THSD7B: variants seen among roughly 807,000 people sequenced by gnomAD.
The protein encoded by THSD7B is thrombospondin type 1 domain containing 7B, also known as thrombospondin type-1 domain-containing protein 7B.
In THSD7B, 138 loss-of-function variants were observed where a neutral mutation model predicts 213.6. The observed-to-expected ratio is 0.65, with a 90% CI of 0.56 to 0.74. THSD7B has a LOEUF of 0.74. THSD7B is among the 30% of genes least tolerant of loss of function. The probability of loss-of-function intolerance (pLI) is 0.00; values close to 1 mark genes in which losing one functional copy is unlikely to be tolerated. For synonymous variants in THSD7B, 742 were observed against 687.0 expected, an observed-to-expected ratio of 1.08 and a Z score of -1.25; for missense variants, 1,931 against 1,991.5, an observed-to-expected ratio of 0.97 and a Z score of 0.58.
chr2:137,000,853 ACCTC>A lies in THSD7B; in HGVS notation c.140-55566_140-55563del. Among the ~76,000 whole-genome samples the A allele has an allele frequency of 2.0e-5, 3 of 152,110 alleles. No individual in the cohort carries two copies. In the South Asian group the frequency reaches 6.2e-4, roughly 32 times the overall value. ...TTTTATTTTTAGTAACTAGAAGGAAACCTCACCTACAAGCCATTGCATTTCAAAA... is the reference window on the plus strand; with the variant it reads ...TTTTATTTTTAGTAACTAGAAGGAAAACCTACAAGCCATTGCATTTCAAAA... On this transcript the variant is annotated intron_variant, in intron 2 of 27. Coordinates refer to ENST00000409968, the MANE Select transcript of THSD7B (RefSeq NM_001316349.2).
At chr2:137,507,530 TC>T (rs1679863917) in intron 15 of THSD7B, among the ~76,000 whole-genome samples, 1 of 152,116 alleles carries the variant, frequency 6.6e-6, no homozygotes. Flanking sequence ...AAGTCATAAA[TC>T]CCCGCTTCCT....
rs1680546296 is a variant in THSD7B at position 137,538,405 on chromosome 2, ATTATAATAGCAG to A, written c.3139-24813_3139-24802del. The A allele has an allele frequency of 6.5e-6, 3 of 464,708 alleles. No homozygotes were observed. In the Admixed American group the frequency reaches 8.1e-5, roughly 13 times the overall value. 28.8% of individuals were successfully genotyped at this position (464,708 alleles called of 1,614,324 possible). The stretch of plus-strand genomic sequence containing the variant: ...GGATTTCTACTTTTTTCAATTTTGC[ATTATAATAGCAG>A]TTCCACTAATGCATATATAATTTTC... On this transcript the variant is annotated intron_variant, in intron 15 of 27. Transcript: ENST00000409968.
intron 12 of THSD7B, among the ~76,000 whole-genome samples, chr2:137,288,943 GACATGACTC>G (rs1683251561): frequency 6.6e-6 from 1 of 152,024 alleles, no homozygotes; most frequent in Non-Finnish European, 1.5e-5. Context: ...AAATGTGAGG[GACATGACTC>G]AAATCATAGT....
At chr2:137,531,772 C>T (rs1680402158) in intron 15 of THSD7B, among the ~76,000 whole-genome samples, 1 of 151,946 alleles carries the variant, frequency 6.6e-6, no homozygotes, top group African/African-American at 2.4e-5. Context: ...CCTTAATGCT[C>T]ATGTGCTTTA....
intron 15 of THSD7B, among the ~76,000 whole-genome samples, chr2:137,498,857 A>C (rs1251015290): frequency 3.3e-5 from 5 of 152,204 alleles, no homozygotes; most frequent in African/African-American, 1.2e-4. Context: ...ATGCTGAAGA[A>C]GGGAATACCT....
At chr2:136,843,692 G>A (rs1219323324) in intron 1 of THSD7B, among the ~76,000 whole-genome samples, 1 of 152,134 alleles carries the variant, frequency 6.6e-6, no homozygotes, top group Non-Finnish European at 1.5e-5. Flanking sequence ...TCCATGTGCA[G>A]TCACTTGTTA....
intron 2 of THSD7B, among the ~76,000 whole-genome samples, chr2:137,054,310 A>T (rs527395830): frequency 3.3e-5 from 5 of 152,318 alleles, no homozygotes; most frequent in African/African-American, 1.2e-4. Flanking sequence ...CAGCAAGAGA[A>T]GTCTCTAGTA....
At chr2:137,262,935 C>T (rs930908118) in intron 10 of THSD7B, among the ~76,000 whole-genome samples, 4 of 152,092 alleles carry the variant, frequency 2.6e-5, no homozygotes, top group Admixed American at 2.6e-4. Context: ...ATGAGATCAG[C>T]TATGGATGAC....
chr2:137,424,979 G>A (rs923350324), intron 14 of THSD7B, among the ~76,000 whole-genome samples: 20 of 151,682 alleles, frequency 1.3e-4, no homozygotes, highest in African/African-American at 4.4e-4. Flanking sequence ...GGCTGAGGCA[G>A]GAGAATGGCG....
intron 15 of THSD7B, among the ~76,000 whole-genome samples, chr2:137,493,873 C>T (rs767420769): frequency 2.6e-5 from 4 of 152,104 alleles, no homozygotes; most frequent in Non-Finnish European, 4.4e-5. Flanking sequence ...CCCTTTGTGT[C>T]GTTTGGAAAG....
chr2:137,642,332 A>C, intron 20 of THSD7B, 156 bp from the exon 21 acceptor site: 1 of 844,972 alleles, frequency 1.2e-6, no homozygotes, highest in South Asian at 1.9e-5. Flanking sequence ...GTCTCTGTGG[A>C]ACTCTAAATG....
Position 137,415,368 on chromosome 2 carries a change from A to G in THSD7B, c.2959+3496A>G, listed in dbSNP as rs376507943. Among the ~76,000 whole-genome samples the G allele has an allele frequency of 1.6e-4, 24 of 152,272 alleles. No homozygotes were observed. In the East Asian group the frequency reaches 4.3e-3, roughly 27 times the overall value. On this transcript the variant is annotated intron_variant, in intron 14 of 27. Transcript: ENST00000409968. ...ATGGATTCCATGGATAACTCAAACC[A>G]TTGATAATCACAGCCCAGTCTGCTT...
intron 1 of THSD7B, among the ~76,000 whole-genome samples, chr2:136,848,434 A>T (rs555283520): frequency 1.7e-4 from 26 of 151,930 alleles, no homozygotes; most frequent in African/African-American, 6.3e-4. Flanking sequence ...CCACATTCTG[A>T]CAGCCAGTGA....
chr2:137,510,011 C>A (rs931544888), intron 15 of THSD7B, among the ~76,000 whole-genome samples: 16 of 151,726 alleles, frequency 1.1e-4, no homozygotes, highest in African/African-American at 3.9e-4. Flanking sequence ...CTATTTATGT[C>A]TTTGCATTAG....
At chr2:137,103,227 A>G (rs1264519721) in intron 4 of THSD7B, among the ~76,000 whole-genome samples, 1 of 152,200 alleles carries the variant, frequency 6.6e-6, no homozygotes, top group Admixed American at 6.5e-5. Flanking sequence ...AGTGGGGGCC[A>G]ATATTCAACA....
chr2:137,232,484 G>C (rs1329912982), intron 8 of THSD7B, among the ~76,000 whole-genome samples: 2 of 152,096 alleles, frequency 1.3e-5, no homozygotes, highest in Non-Finnish European at 1.5e-5. Context: ...GCTGCATAAG[G>C]GGTGTGTGTG....
At chr2:137,396,159 T>C (rs1285713936) in intron 12 of THSD7B, among the ~76,000 whole-genome samples, 1 of 145,128 alleles carries the variant, frequency 6.9e-6, no homozygotes, top group African/African-American at 2.5e-5. Flanking sequence ...GTGTCTCTAT[T>C]TCCTTCAGTT....
intron 7 of THSD7B, among the ~76,000 whole-genome samples, chr2:137,201,349 T>G (rs1315285948): frequency 1.3e-5 from 2 of 152,202 alleles, no homozygotes; most frequent in Non-Finnish European, 2.9e-5. Flanking sequence ...GCTTCTCTCA[T>G]GTCTTGCTTA....
At chr2:137,013,065 A>AT (rs1363687539) in intron 2 of THSD7B, among the ~76,000 whole-genome samples, 1 of 152,212 alleles carries the variant, frequency 6.6e-6, no homozygotes, top group East Asian at 1.9e-4. Flanking sequence ...CAAGACTATG[A>AT]TTTTATTTGA....
Sources: allele counts gnomAD v4.1 joint callset (sites outside exome capture counted in the v4.1 genomes callset), GRCh38; gene constraint gnomAD v4.1.1; transcripts MANE v1.5; gene names NCBI Gene and HGNC (gene_info 2026-07-23, HGNC 2026-07-21).